Variants in SLX4IP observed in about 807,000 individuals in gnomAD.
The protein encoded by SLX4IP is protein SLX4IP.
A neutral mutation model predicts 32.9 loss-of-function variants in SLX4IP; 34 were observed. The ratio of observed to expected loss-of-function variants is 1.03; its 90% CI spans 0.79 to 1.38. SLX4IP has a LOEUF of 1.38. Among genes scored for constraint, SLX4IP ranks in the 40% most tolerant of loss-of-function variants. The pLI is 0.00. For missense variants in SLX4IP, 444 were observed against 479.0 expected (o/e 0.93, Z 0.68); for synonymous variants, 172 against 171.7 (o/e 1.00, Z -0.01).
rs112246606 is a variant in SLX4IP at position 10,455,738 on chromosome 20, T to G, written c.-29-2438T>G. On this transcript the variant is annotated intron_variant, in intron 1 of 7. Coordinates refer to ENST00000334534, the MANE Select transcript of SLX4IP (RefSeq NM_001009608.3). ...GATTCTCGTGCTTCAGCCTTCCCAG[T>G]AGTTGGGATTACAGGTGCACACCAC... is the stretch of plus-strand genomic sequence containing the variant. Among the ~76,000 whole-genome samples the G allele has an allele frequency of 2.6e-5, 4 of 152,220 alleles. 1 individual carries two copies. Among genetic ancestry groups the G allele is most frequent in the African/African-American group, 9.6e-5 (4 of 41,536 alleles).
intron 4 of SLX4IP, among the ~76,000 whole-genome samples, chr20:10,562,467 G>A (rs1337088881): frequency 1.3e-5 from 2 of 151,962 alleles, no homozygotes; most frequent in African/African-American, 2.4e-5. Flanking sequence ...AACTTCTTCC[G>A]TTCCTCTGCT....
At chr20:10,453,043 C>T (rs1315801824) in intron 1 of SLX4IP, among the ~76,000 whole-genome samples, 2 of 152,034 alleles carry the variant, frequency 1.3e-5, no homozygotes, top group Admixed American at 1.3e-4. Context: ...AACCTCTATG[C>T]CCTCACCATA....
intron 2 of SLX4IP, among the ~76,000 whole-genome samples, chr20:10,467,658 C>T (rs1273881455): frequency 6.6e-6 from 1 of 152,182 alleles, no homozygotes; most frequent in African/African-American, 2.4e-5. Flanking sequence ...TTGCTTTGCT[C>T]ATGCTGGAAG....
intron 2 of SLX4IP, among the ~76,000 whole-genome samples, chr20:10,527,103 A>G (rs897553213): frequency 6.6e-6 from 1 of 152,238 alleles, no homozygotes; most frequent in African/African-American, 2.4e-5. Context: ...ACATACCATC[A>G]GTATTTTGCT....
At chr20:10,504,227 G>C (rs1009778751) in intron 2 of SLX4IP, among the ~76,000 whole-genome samples, 8 of 152,136 alleles carry the variant, frequency 5.3e-5, no homozygotes, top group Non-Finnish European at 1.2e-4. Flanking sequence ...TCAAACCTTG[G>C]AGTGCAGTTC....
intron 2 of SLX4IP, among the ~76,000 whole-genome samples, chr20:10,464,183 T>G (rs1366717146): frequency 6.6e-6 from 1 of 151,962 alleles, no homozygotes; most frequent in Non-Finnish European, 1.5e-5. Flanking sequence ...CCATTTTGTT[T>G]TTTTGTTTGT....
rs143530525 is a variant in SLX4IP at position 10,562,702 on chromosome 20, C to G, written c.238+1882C>G. Among the ~76,000 whole-genome samples the G allele has an allele frequency of 2.8e-3, 423 of 152,282 alleles. 1 individual carries two copies. Among genetic ancestry groups the G allele is most frequent in the African/African-American group, 9.6e-3 (401 of 41,566 alleles). On this transcript the variant is annotated intron_variant, in intron 4 of 7. Transcript: ENST00000334534. Reference sequence around the variant, plus strand: ...TACCCAGCACTTCCTTGCCCCTCTCCCATATCACCATGAATGACAGATTTT... The same window carrying G: ...TACCCAGCACTTCCTTGCCCCTCTCGCATATCACCATGAATGACAGATTTT...
chr20:10,562,383 C>T (rs1461420921), intron 4 of SLX4IP, among the ~76,000 whole-genome samples: 2 of 152,148 alleles, frequency 1.3e-5, no homozygotes, highest in Non-Finnish European at 2.9e-5. Flanking sequence ...CCGGACTCTC[C>T]GACTGCCCCT....
chr20:10,508,282 G>C (rs1348089866), intron 2 of SLX4IP, among the ~76,000 whole-genome samples: 3 of 152,162 alleles, frequency 2.0e-5, no homozygotes, highest in Non-Finnish European at 4.4e-5. Flanking sequence ...ATGCCAATGC[G>C]GGCAGAGCCT....
chr20:10,461,275 G>A (rs1274682091), intron 2 of SLX4IP, among the ~76,000 whole-genome samples: 1 of 152,244 alleles, frequency 6.6e-6, no homozygotes, highest in Non-Finnish European at 1.5e-5. Flanking sequence ...AATTATGCAA[G>A]AGATGGGTCT....
At chr20:10,468,868 C>T (rs2065401270) in intron 2 of SLX4IP, among the ~76,000 whole-genome samples, 1 of 152,054 alleles carries the variant, frequency 6.6e-6, no homozygotes, top group Non-Finnish European at 1.5e-5. Flanking sequence ...TATGCCTAGC[C>T]ACATTCCCTG....
intron 3 of SLX4IP, 96 bp downstream of exon 3, chr20:10,556,416 A>C: frequency 8.2e-7 from 1 of 1,217,918 alleles, no homozygotes; most frequent in Non-Finnish European, 1.2e-6. Context: ...AGTGGGAAAA[A>C]AATGTTGCGT....
chr20:10,451,150 A>G (rs1369202136), intron 1 of SLX4IP, among the ~76,000 whole-genome samples: 2 of 151,588 alleles, frequency 1.3e-5, no homozygotes, highest in African/African-American at 4.8e-5. Flanking sequence ...CAGGATACAG[A>G]AATAAGTGCC....
At chr20:10,604,800 A>G (rs563531840) in intron 6 of SLX4IP, among the ~76,000 whole-genome samples, 2 of 152,350 alleles carry the variant, frequency 1.3e-5, no homozygotes, top group East Asian at 3.9e-4. Context: ...GGAAGAAAGG[A>G]CATTATTATG....
chr20:10,601,768 C>G lies in SLX4IP; in HGVS notation c.354C>G (p.Val118=). Residue 118 remains valine, a synonymous_variant, in exon 6 of 8, where the codon GTC becomes GTG. Coordinates refer to ENST00000334534, the MANE Select transcript of SLX4IP (RefSeq NM_001009608.3). The stretch of plus-strand genomic sequence containing the variant: ...TCCCTGACAGATTTGTGGTTTGTGT[C>G]AGTCAGCTTGCATTCAGTCGTGATC... The part of the protein sequence containing the change: ...CVFPDRFVVC[V]SQLAFSRDLL... 1 of 1,613,944 alleles carries G rather than the reference C, an allele frequency of 6.2e-7. No individual in the cohort carries two copies. The highest frequency in any genetic ancestry group is 8.5e-7 in the Non-Finnish European group (1 of 1,179,956).
At chr20:10,504,708 G>T (rs1165883899) in intron 2 of SLX4IP, among the ~76,000 whole-genome samples, 1 of 152,260 alleles carries the variant, frequency 6.6e-6, no homozygotes, top group Admixed American at 6.5e-5. Flanking sequence ...GATTTTTCTG[G>T]CCAGAAGATG....
At chr20:10,569,811 A>G (rs755556602) in intron 4 of SLX4IP, among the ~76,000 whole-genome samples, 2 of 152,138 alleles carry the variant, frequency 1.3e-5, no homozygotes, top group Non-Finnish European at 2.9e-5. Flanking sequence ...TTTCCGCTAT[A>G]AATGTCTTTG....
chr20:10,471,439 TGGGTTATGACCA>T (rs1177290824), intron 2 of SLX4IP, among the ~76,000 whole-genome samples: 1 of 152,222 alleles, frequency 6.6e-6, no homozygotes, highest in East Asian at 1.9e-4. Context: ...CCAGCATAGC[TGGGTTATGACCA>T]GATGAGCCCA....
At chr20:10,516,792 CT>C (rs1297369947) in intron 2 of SLX4IP, among the ~76,000 whole-genome samples, 1 of 152,216 alleles carries the variant, frequency 6.6e-6, no homozygotes, top group East Asian at 1.9e-4. Flanking sequence ...TTTTATTCAT[CT>C]TTCCCTTTCA....
Sources: allele counts gnomAD v4.1 joint callset (sites outside exome capture counted in the v4.1 genomes callset), GRCh38; gene constraint gnomAD v4.1.1; transcripts MANE v1.5; gene names NCBI Gene and HGNC (gene_info 2026-07-23, HGNC 2026-07-21).